Variants in MACF1 observed in about 807,000 individuals in gnomAD.
The protein encoded by MACF1 is microtubule actin crosslinking factor 1, also known as microtubule-actin cross-linking factor 1.
MACF1 carries 193 observed loss-of-function variants against 854.8 expected under a neutral mutation model. That is an observed-to-expected ratio of 0.23 (90% CI 0.20 to 0.25). The LOEUF (loss-of-function observed/expected upper bound fraction) is 0.25. Among genes scored for constraint, MACF1 ranks in the 10% least tolerant of loss-of-function variants. The probability of loss-of-function intolerance (pLI) is 1.00; values close to 1 mark genes in which losing one functional copy is unlikely to be tolerated. For missense variants in MACF1, 7,722 were observed against 8,929.1 expected (o/e 0.86, Z 5.45); for synonymous variants, 3,185 against 3,226.7 (o/e 0.99, Z 0.44).
chr1:39,422,934 A>G, intron 60 of MACF1, 34 bp downstream of exon 60: 4 of 1,595,098 alleles, frequency 2.5e-6, no homozygotes, highest in Non-Finnish European at 3.4e-6. Context: ...GAACTGTAAC[A>G]GCCGTAGGGA....
intron 13 of MACF1, 22 bp downstream of exon 13, chr1:39,285,412 C>A: frequency 6.2e-7 from 1 of 1,610,916 alleles, no homozygotes; most frequent in South Asian, 1.1e-5. Flanking sequence ...ACTGTTTTGT[C>A]CAACATCTGT....
chr1:39,120,485 C>T (rs1190713378), intron 2 of MACF1, among the ~76,000 whole-genome samples: 1 of 152,062 alleles, frequency 6.6e-6, no homozygotes, highest in African/African-American at 2.4e-5. Context: ...CTGCCTCAGC[C>T]TCCCGAGTAG....
intron 2 of MACF1, among the ~76,000 whole-genome samples, chr1:39,149,826 C>G (rs1056508424): frequency 6.6e-6 from 1 of 152,134 alleles, no homozygotes; most frequent in Non-Finnish European, 1.5e-5. Context: ...TAATCTTATC[C>G]CATTGTTCAC....
intron 2 of MACF1, chr1:39,102,769 C>T (rs1281550364): frequency 2.8e-6 from 2 of 702,482 alleles, no homozygotes; most frequent in African/African-American, 1.7e-5. Flanking sequence ...GCAGCAGTCT[C>T]ACCCATCAGG....
chr1:39,344,325 G>T (rs570638743), intron 40 of MACF1, among the ~76,000 whole-genome samples: 14 of 151,826 alleles, frequency 9.2e-5, no homozygotes, highest in South Asian at 4.2e-4. Context: ...TCAGTTACTT[G>T]GGAGGCTGAG....
chr1:39,215,675 A>T (rs1272540690), intron 1 of MACF1, among the ~76,000 whole-genome samples: 1 of 152,106 alleles, frequency 6.6e-6, no homozygotes, highest in Non-Finnish European at 1.5e-5. Flanking sequence ...ATAGAGACTG[A>T]ATTCATGCTC....
At chr1:39,129,151 A>G (rs1260644260) in intron 2 of MACF1, among the ~76,000 whole-genome samples, 4 of 152,222 alleles carry the variant, frequency 2.6e-5, no homozygotes, top group Non-Finnish European at 4.4e-5. Context: ...GGCTGACATC[A>G]TCTTGGCTGC....
chr1:39,186,170 ATCTC>A lies in MACF1; in HGVS notation c.221-44970_221-44967del, dbSNP rs55658204. On this transcript the variant is annotated intron_variant, in intron 2 of 93. Transcript: ENST00000361689. Reference sequence around the variant, plus strand: ...CCATGTGGGGGCTGGGATTCTGAACATCTCTCTCTCTCTCTCTCTCTCTCTCTCT... The same window carrying A: ...CCATGTGGGGGCTGGGATTCTGAACATCTCTCTCTCTCTCTCTCTCTCTCT... Among the ~76,000 whole-genome samples the A allele has an allele frequency of 5.8e-3, 643 of 109,946 alleles. 2 individuals are homozygous for A. Among genetic ancestry groups the A allele is most frequent in the African/African-American group, 6.6e-3 (185 of 27,934 alleles). The allele number at this position is 109,946 out of a possible 152,430, so 72.1% of individuals were successfully genotyped here.
chr1:39,177,740 G>T (rs1297329158), intron 2 of MACF1, among the ~76,000 whole-genome samples: 1 of 151,896 alleles, frequency 6.6e-6, no homozygotes, highest in Non-Finnish European at 1.5e-5. Flanking sequence ...GTTTTGCTCC[G>T]GGCACTATTT....
In MACF1 at chr1:39,357,471, C is replaced by T; in HGVS notation, c.11521C>T (p.Pro3841Ser). 1 of 1,614,124 alleles carries T rather than the reference C, an allele frequency of 6.2e-7. No homozygotes were observed. The highest frequency in any genetic ancestry group is 8.5e-7 in the Non-Finnish European group (1 of 1,180,034). ...GGATCAGCATGGCCACAATCTCACA[C>T]CTGAGGAGCAACAGATGCTGCAACA... Reference protein sequence around the residue: ...FLDQHGHNLTPEEQQMLQQKL... With the variant: ...FLDQHGHNLTSEEQQMLQQKL... The change falls in exon 45 of 101, where the codon CCT becomes TCT. Residue 3841 changes from proline to serine, a missense_variant. This residue lies in a region of MACF1 where 2,807 missense variants were observed against 3,235.8 expected (regional missense o/e 0.87). Transcript: ENST00000564288.
In MACF1 at chr1:39,290,930, C is replaced by T. The variant is rs539674231; in HGVS notation, c.1786-980C>T. Reference sequence around the variant, plus strand: ...CCTCAGGTGATCCGCCCACCTTGGCCTCCCAAAGTGCTGGGATTACAGGAG... The same window carrying T: ...CCTCAGGTGATCCGCCCACCTTGGCTTCCCAAAGTGCTGGGATTACAGGAG... On this transcript the variant is annotated intron_variant, in intron 15 of 100. Transcript: ENST00000564288. Among the ~76,000 whole-genome samples the T allele has an allele frequency of 3.3e-5, 5 of 151,730 alleles. No homozygotes were observed. In the East Asian group the frequency reaches 9.7e-4, roughly 29 times the overall value.
In MACF1 at chr1:39,433,066, A is replaced by G. The variant is rs775214789; in HGVS notation, c.17476A>G (p.Ile5826Val). The change falls in exon 68 of 101, where the codon ATT (isoleucine) becomes GTT (valine). Residue 5826 changes from isoleucine to valine, a missense_variant. Physicochemically the swap from Ile to Val is conservative, Grantham distance 29. Transcript: ENST00000564288. ...TTCAAAGGCTTTCTCCATTGACATT[A>G]TTCGACACAAAGATTCAATGGATGA... ...QVQKAFSIDIIRHKDSMDELF... is the reference protein window; with the variant it reads ...QVQKAFSIDIVRHKDSMDELF... The G allele has an allele frequency of 1.2e-6, 2 of 1,610,906 alleles. No individual in the cohort carries two copies. Among genetic ancestry groups the G allele is most frequent in the East Asian group, 2.2e-5 (1 of 44,764 alleles).
chr1:39,239,078 C>T (rs1005937384), intron 2 of MACF1, among the ~76,000 whole-genome samples: 2 of 152,016 alleles, frequency 1.3e-5, no homozygotes, highest in Non-Finnish European at 2.9e-5. Flanking sequence ...GTCAGGAGTT[C>T]GAGACCAGCC....
At chr1:39,298,719 A>C in intron 21 of MACF1, 1 of 403,872 alleles carries the variant, frequency 2.5e-6, no homozygotes, top group South Asian at 1.8e-5. Flanking sequence ...CTGTTAATTT[A>C]ATTAATTTGG....
intron 58 of MACF1, chr1:39,411,991 C>T: frequency 6.2e-7 from 1 of 1,613,890 alleles, no homozygotes; most frequent in Non-Finnish European, 8.5e-7. Flanking sequence ...TGAAAAAGTG[C>T]CTTTTAGCCC....
intron 2 of MACF1, among the ~76,000 whole-genome samples, chr1:39,235,241 C>G (rs1011822323): frequency 6.6e-6 from 1 of 152,262 alleles, no homozygotes; most frequent in African/African-American, 2.4e-5. Context: ...AACGAGACTC[C>G]GTCTGCAATC....
At chr1:39,319,774 C>G in intron 31 of MACF1, 27 bp downstream of exon 31, 1 of 1,496,164 alleles carries the variant, frequency 6.7e-7, no homozygotes, top group African/African-American at 1.4e-5. Context: ...CCAAAAAGAA[C>G]ATGAATCATC....
chr1:39,327,315 C>T lies in MACF1; in HGVS notation c.4576C>T (p.Gln1526Ter). ...LCDGSANQLQ[Q>*]LQSQLAHQTE... Reference sequence around the variant, plus strand: ...TGATGGTTCTGCAAATCAGCTTCAGCAGCTTCAGAGCCAGTTGGCTCACCA... The same window carrying T: ...TGATGGTTCTGCAAATCAGCTTCAGTAGCTTCAGAGCCAGTTGGCTCACCA... The change falls in exon 36 of 101, where the codon CAG becomes TAG. Residue 1526 changes from glutamine (Q) to a stop codon, truncating the protein, a stop_gained. Coordinates refer to ENST00000564288, the MANE Select transcript of MACF1 (RefSeq NM_001394062.1). LOFTEE classifies it high-confidence loss of function. 1 of 1,606,828 alleles carries T rather than the reference C, an allele frequency of 6.2e-7. No individual in the cohort carries two copies. The highest frequency in any genetic ancestry group is 1.3e-5 in the African/African-American group (1 of 74,984).
rs1186723286 is a variant in MACF1, at chr1:39,387,767, A to C, written c.14925A>C (p.Ala4975=). 3 of 1,614,228 alleles carry C rather than the reference A, an allele frequency of 1.9e-6. No individual in the cohort carries two copies. Among genetic ancestry groups the C allele is most frequent in the Non-Finnish European group, 2.5e-6 (3 of 1,180,040 alleles). The stretch of plus-strand genomic sequence containing the variant: ...ACATTCTGATCAATTCTTCAGAAGC[A>C]GATGAGGATGGAATCCGGGATGAGA... ...AADILINSSE[A]DEDGIRDEKA... Residue 4975 remains alanine, a synonymous_variant, in exon 58 of 101, where the codon GCA becomes GCC. Transcript: ENST00000564288.
Sources: allele counts gnomAD v4.1 joint callset (sites outside exome capture counted in the v4.1 genomes callset), GRCh38; gene constraint gnomAD v4.1.1; regional missense constraint gnomAD v4.1.1; transcripts MANE v1.5; gene names NCBI Gene and HGNC (gene_info 2026-07-23, HGNC 2026-07-21).